WNT3: variants seen among roughly 807,000 people sequenced by gnomAD.
The protein encoded by WNT3 is Wnt family member 3, also known as proto-oncogene Wnt-3.
In WNT3, 7 loss-of-function variants were observed where a neutral mutation model predicts 34.2. The ratio of observed to expected loss-of-function variants is 0.20; its 90% CI spans 0.12 to 0.38. The LOEUF (loss-of-function observed/expected upper bound fraction) is 0.38. WNT3 is among the 10% of genes least tolerant of loss of function. The pLI, the probability that WNT3 is intolerant of heterozygous loss-of-function variation, is 1.00. For synonymous variants in WNT3, 212 were observed against 211.5 expected (o/e 1.00, Z -0.02); for missense variants, 267 against 499.8 (o/e 0.53, Z 4.44).
intron 1 of WNT3, among the ~76,000 whole-genome samples, chr17:46,782,614 G>A (rs749392563): frequency 6.6e-6 from 1 of 152,262 alleles, no homozygotes; most frequent in African/African-American, 2.4e-5. Context: ...ATTGGCAGAT[G>A]TCAGGACAGG....
intron 1 of WNT3, among the ~76,000 whole-genome samples, chr17:46,815,676 A>C (rs544231829): frequency 1.3e-5 from 2 of 152,280 alleles, no homozygotes; most frequent in East Asian, 3.9e-4. Context: ...AAAGAAAAAC[A>C]ACCTCAGAGA....
chr17:46,770,842 T>C (rs112273483), intron 2 of WNT3, among the ~76,000 whole-genome samples: 1 of 152,210 alleles, frequency 6.6e-6, no homozygotes, highest in Non-Finnish European at 1.5e-5. Flanking sequence ...TTCATTCACA[T>C]GGAAAGTTTT....
At chr17:46,798,599 A>G (rs563229995) in intron 1 of WNT3, among the ~76,000 whole-genome samples, 16 of 152,284 alleles carry the variant, frequency 1.1e-4, no homozygotes, top group Admixed American at 9.8e-4. Context: ...GCACACAGTG[A>G]CTGCCAGCCC....
rs530197982 is a variant in WNT3, at chr17:46,773,246, G to T, written c.322+422C>A. On this transcript the variant is annotated intron_variant, in intron 2 of 4. Coordinates refer to ENST00000225512, the MANE Select transcript of WNT3 (RefSeq NM_030753.5). ...GAGGGGCTCTTGGGGGCAACGCAAT[G>T]CTACCACAGCACCAGGCAGCTTCCT... Among the ~76,000 whole-genome samples the T allele has an allele frequency of 3.3e-5, 5 of 152,238 alleles. 1 individual carries two copies. The highest frequency in any genetic ancestry group is 1.2e-4 in the African/African-American group (5 of 41,528).
At position 46,768,384 on chromosome 17, in the gene WNT3, T is replaced by C; in HGVS notation, c.1004A>G (p.His335Arg). The C allele has an allele frequency of 1.2e-6, 2 of 1,613,820 alleles. No homozygotes were observed. Among genetic ancestry groups the C allele is most frequent in the Non-Finnish European group, 1.7e-6 (2 of 1,180,016 alleles). Residue 335 changes from histidine to arginine, a missense_variant, in exon 4 of 5, where the codon CAC becomes CGC. His to Arg is a conservative substitution (Grantham distance 29). Coordinates refer to ENST00000225512, the MANE Select transcript of WNT3 (RefSeq NM_030753.5). The surrounding 1 kb of genome is among the most constrained non-coding windows in gnomAD (Gnocchi z 5.0). ...KRKEKCHCIFHWCCYVSCQEC... is the reference protein window; with the variant it reads ...KRKEKCHCIFRWCCYVSCQEC... Reference sequence around the variant, plus strand: ...CTGGCAGCTGACGTAGCAGCACCAGTGGAAGATGCAGTGGCATTTTTCCTT... The same window carrying C: ...CTGGCAGCTGACGTAGCAGCACCAGCGGAAGATGCAGTGGCATTTTTCCTT...
Position 46,768,905 on chromosome 17 carries a change from ACTC to A in WNT3, c.589-109_589-107del. ...CACCCCCTTCCCTCCAGCCTTCTCT[ACTC>A]CTCTGTGACAGGAAGAGAACTGATG... On this transcript the variant is annotated intron_variant, in intron 3 of 4. Transcript: ENST00000225512. This position sits in a 1 kb window ranked among gnomAD's most constrained non-coding sequence, Gnocchi z 5.0. 2.7e-6 allele frequency: 4 copies of A among 1,496,548 alleles called. No individual in the cohort carries two copies. The highest frequency in any genetic ancestry group is 3.6e-6 in the Non-Finnish European group (4 of 1,117,618). The allele number at this position is 1,496,548 out of a possible 1,614,324, so 92.7% of individuals were successfully genotyped here.
intron 4 of WNT3, among the ~76,000 whole-genome samples, chr17:46,766,461 G>T (rs939537525): frequency 6.6e-6 from 1 of 151,782 alleles, no homozygotes; most frequent in Admixed American, 6.6e-5. Context: ...CTGAACAGAG[G>T]AGGAAACTGG....
chr17:46,777,016 G>C (rs1305433744), intron 1 of WNT3, among the ~76,000 whole-genome samples: 3 of 152,142 alleles, frequency 2.0e-5, no homozygotes, highest in African/African-American at 7.2e-5. Context: ...CACAGGAGGA[G>C]CCCTAAGGGA....
Position 46,769,775 on chromosome 17 carries a change from G to C in WNT3, c.588+8C>G, listed in dbSNP as rs758566912. On this transcript the variant is annotated splice_region_variant and intron_variant, in intron 3 of 4. Transcript: ENST00000225512. ...CCTGAAGGGTTTGGGGAGGGTAGCC[G>C]GGCTCACCGTGCGGCCCGCCTCGTT... The C allele has an allele frequency of 3.1e-6, 5 of 1,609,508 alleles. No individual in the cohort carries two copies. Among genetic ancestry groups the C allele is most frequent in the Non-Finnish European group, 3.4e-6 (4 of 1,179,842 alleles).
intron 2 of WNT3, among the ~76,000 whole-genome samples, chr17:46,770,441 C>T (rs2059353655): frequency 6.6e-6 from 1 of 152,226 alleles, no homozygotes; most frequent in Non-Finnish European, 1.5e-5. Context: ...CCTGCACAGG[C>T]CTGAGCCCTC....
At position 46,818,552 on chromosome 17, in the gene WNT3, C is replaced by T. The variant is rs898700816; in HGVS notation, c.46G>A (p.Gly16Ser). The T allele has an allele frequency of 1.2e-6, 2 of 1,609,152 alleles. No homozygotes were observed. Among genetic ancestry groups the T allele is most frequent in the Non-Finnish European group, 1.7e-6 (2 of 1,178,528 alleles). Residue 16 changes from glycine (G) to serine (S), a missense_variant, in exon 1 of 5, where the codon GGC (glycine) becomes AGC (serine). By Grantham distance (56) the Gly-to-Ser change is moderately conservative (BLOSUM62 0). Transcript: ENST00000225512. ...LGLLLGLLLG[G>S]TRVLAGYPIW... Reference sequence around the variant, plus strand: ...GGGTAGCCAGCGAGGACCCTGGTGCCACCGAGCAGGAGGCCGAGGAGCAGC... The same window carrying T: ...GGGTAGCCAGCGAGGACCCTGGTGCTACCGAGCAGGAGGCCGAGGAGCAGC...
At chr17:46,795,500 C>T (rs984560732) in intron 1 of WNT3, among the ~76,000 whole-genome samples, 3 of 152,142 alleles carry the variant, frequency 2.0e-5, no homozygotes, top group African/African-American at 7.2e-5. Context: ...CCCCTGACGC[C>T]CTGTCTAACC....
At chr17:46,809,677 G>T (rs183306913) in intron 1 of WNT3, among the ~76,000 whole-genome samples, 2 of 152,284 alleles carry the variant, frequency 1.3e-5, no homozygotes, top group Non-Finnish European at 2.9e-5. Flanking sequence ...TGTGTCCCTG[G>T]TTGGAAATCT....
chr17:46,768,199 G>T lies in WNT3; in HGVS notation c.*8+113C>A. On this transcript the variant is annotated intron_variant, in intron 4 of 4. Coordinates refer to ENST00000225512, the MANE Select transcript of WNT3 (RefSeq NM_030753.5). The surrounding 1 kb of genome is among the most constrained non-coding windows in gnomAD (Gnocchi z 5.0). ...TCCTATTTTGGCTGTGGGAACTTGT[G>T]TGTCTTGGATAGCTTAGAAACAGAA... The T allele has an allele frequency of 6.8e-7, 1 of 1,479,892 alleles. No individual in the cohort carries two copies. Among genetic ancestry groups the T allele is most frequent in the Non-Finnish European group, 9.2e-7 (1 of 1,092,178 alleles). 91.7% of individuals were successfully genotyped at this position (1,479,892 alleles called of 1,614,324 possible).
intron 1 of WNT3, among the ~76,000 whole-genome samples, chr17:46,796,013 G>C (rs1045390196): frequency 6.6e-6 from 1 of 152,084 alleles, no homozygotes; most frequent in Non-Finnish European, 1.5e-5. Context: ...TCAGGTTGTC[G>C]GCAGGGTAAT....
intron 1 of WNT3, among the ~76,000 whole-genome samples, chr17:46,785,619 C>T (rs369070289): frequency 6.6e-6 from 1 of 152,236 alleles, no homozygotes; most frequent in Non-Finnish European, 1.5e-5. Flanking sequence ...CCTTTCAGGG[C>T]CACGAGGGGC....
At chr17:46,793,269 G>T (rs560581943) in intron 1 of WNT3, among the ~76,000 whole-genome samples, 1 of 40,916 alleles carries the variant, frequency 2.4e-5, no homozygotes, top group Non-Finnish European at 5.0e-5. Context: ...GTGAGACCCT[G>T]TCTAAAAAAA....
intron 4 of WNT3, among the ~76,000 whole-genome samples, chr17:46,766,900 G>C (rs569448367): frequency 6.6e-6 from 1 of 152,262 alleles, no homozygotes; most frequent in Non-Finnish European, 1.5e-5. Context: ...CCTGTCCTCG[G>C]TGTCCTTTCA....
intron 1 of WNT3, among the ~76,000 whole-genome samples, chr17:46,783,714 A>G (rs979000919): frequency 3.3e-5 from 5 of 152,162 alleles, no homozygotes; most frequent in Non-Finnish European, 7.4e-5. Context: ...TGGAGCAGCT[A>G]CCGAGCTGGA....
Sources: gnomAD v4.1 joint callset for allele counts (sites outside exome capture counted in the v4.1 genomes callset) on GRCh38, gnomAD v4.1.1 for gene constraint, Gnocchi (gnomAD v3.1) non-coding constraint, MANE v1.5 for transcripts, NCBI Gene and HGNC (gene_info 2026-07-23, HGNC 2026-07-21) for gene names.